ABCG1: variants seen among roughly 807,000 people sequenced by gnomAD.
The protein encoded by ABCG1 is ATP binding cassette subfamily G member 1.
In ABCG1, 29 loss-of-function variants were observed where a neutral mutation model predicts 69.2. The observed-to-expected ratio is 0.42, with a 90% CI of 0.31 to 0.57. ABCG1 has a LOEUF of 0.57. ABCG1 is among the 20% of genes least tolerant of loss of function. ABCG1 has a pLI of 0.15. For synonymous variants in ABCG1, 370 were observed against 374.8 expected, an observed-to-expected ratio of 0.99 and a Z score of 0.15; for missense variants, 718 against 898.1, an observed-to-expected ratio of 0.80 and a Z score of 2.56.
intron 13 of ABCG1, among the ~76,000 whole-genome samples, chr21:42,294,016 C>T (rs1050203191): frequency 6.6e-6 from 1 of 151,698 alleles, no homozygotes; most frequent in African/African-American, 2.4e-5. Flanking sequence ...CCCCGACACA[C>T]TCACAGTGCC....
rs79587949 is a variant in ABCG1 at position 42,219,897 on chromosome 21, C to T, written c.42+593C>T. ...GCGGCGGCGAAGGCCCGGGGAGACC[C>T]GCGAGGGGCAAGCCCGGATTCCTGC... On this transcript the variant is annotated intron_variant, in intron 1 of 14. Transcript: ENST00000398449. This position sits in a 1 kb window ranked among gnomAD's most constrained non-coding sequence, Gnocchi z 5.3. 8.8e-4 allele frequency: 1,358 copies of T among 1,546,982 alleles called. 16 individuals carry two copies. The African/African-American group carries it at 0.017, about 19-fold the overall frequency.
intron 10 of ABCG1, among the ~76,000 whole-genome samples, chr21:42,289,788 A>G (rs1248051943): frequency 6.6e-6 from 1 of 152,108 alleles, no homozygotes; most frequent in African/African-American, 2.4e-5. Context: ...GATAGTAATT[A>G]TGTTGGTTTT....
chr21:42,264,703 G>C (rs745589947), intron 2 of ABCG1, among the ~76,000 whole-genome samples: 61 of 152,088 alleles, frequency 4.0e-4, no homozygotes, highest in Non-Finnish European at 7.4e-4. Flanking sequence ...GAGAGACAGA[G>C]AGGAGAGAGA....
intron 2 of ABCG1, among the ~76,000 whole-genome samples, chr21:42,252,895 C>T (rs1195995566): frequency 1.3e-5 from 2 of 152,090 alleles, no homozygotes; most frequent in African/African-American, 2.4e-5. Context: ...GGTGTTGGGG[C>T]GAGTGAGGTT....
At chr21:42,284,387 ACTGAG>A (rs1569237322) in intron 6 of ABCG1, among the ~76,000 whole-genome samples, 168 bp from the exon 7 acceptor site, 3 of 152,096 alleles carry the variant, frequency 2.0e-5, no homozygotes, top group Non-Finnish European at 4.4e-5. Flanking sequence ...GTGCCCTGCC[ACTGAG>A]CAGCAAAACA....
intron 14 of ABCG1, 185 bp downstream of exon 14, chr21:42,294,845 C>T: frequency 3.4e-6 from 2 of 591,978 alleles, no homozygotes; most frequent in East Asian, 2.9e-5. Context: ...CCAACACACA[C>T]ACACTAAACA....
chr21:42,257,484 G>A (rs1012405021), intron 2 of ABCG1, among the ~76,000 whole-genome samples: 2 of 152,218 alleles, frequency 1.3e-5, no homozygotes, highest in Non-Finnish European at 2.9e-5. Flanking sequence ...GGGAGTGGAC[G>A]TGCTGGGGGC....
At chr21:42,272,513 T>A (rs2068633982) in intron 3 of ABCG1, among the ~76,000 whole-genome samples, 1 of 152,240 alleles carries the variant, frequency 6.6e-6, no homozygotes, top group Non-Finnish European at 1.5e-5. Flanking sequence ...TTAGTCTCCG[T>A]AGATTCGCCT....
chr21:42,263,427 G>A (rs796968776), intron 2 of ABCG1, among the ~76,000 whole-genome samples: 10 of 152,336 alleles, frequency 6.6e-5, no homozygotes, highest in South Asian at 2.1e-4. Context: ...GGAAGGGGAC[G>A]TGAGGGAGCT....
At chr21:42,227,825 G>A (rs2067840796) in intron 2 of ABCG1, among the ~76,000 whole-genome samples, 1 of 151,934 alleles carries the variant, frequency 6.6e-6, no homozygotes, top group Non-Finnish European at 1.5e-5. Flanking sequence ...CTTACATGGT[G>A]GCATGGGGTG....
chr21:42,217,805 C>A (rs2067658782), upstream of ABCG1, among the ~76,000 whole-genome samples: 1 of 150,330 alleles, frequency 6.7e-6, no homozygotes, highest in African/African-American at 2.5e-5. Context: ...CATTCTCCTG[C>A]CTCAGCCTAC....
intron 2 of ABCG1, among the ~76,000 whole-genome samples, chr21:42,252,720 G>A (rs993447001): frequency 6.6e-6 from 1 of 152,064 alleles, no homozygotes; most frequent in Non-Finnish European, 1.5e-5. Flanking sequence ...TGCAGCTTGG[G>A]GATCACCCTC....
At chr21:42,256,344 G>A (rs771359198) in intron 2 of ABCG1, 54 of 1,549,882 alleles carry the variant, frequency 3.5e-5, no homozygotes, top group African/African-American at 1.5e-4. Flanking sequence ...CTGGGGCTCC[G>A]GGACATGGTC....
chr21:42,256,153 CGT>C, intron 2 of ABCG1: 1 of 1,392,888 alleles, frequency 7.2e-7, no homozygotes, highest in Admixed American at 3.2e-5. Context: ...GAAACCTGGG[CGT>C]GATATACCTC....
At chr21:42,277,068 C>T in intron 5 of ABCG1, 123 bp downstream of exon 5, 1 of 1,046,404 alleles carries the variant, frequency 9.6e-7, no homozygotes, top group Non-Finnish European at 1.5e-6. Flanking sequence ...GCCTTGCCTT[C>T]CGTGTGTGGG....
chr21:42,237,439 C>G (rs2067993332), intron 2 of ABCG1, among the ~76,000 whole-genome samples: 1 of 152,218 alleles, frequency 6.6e-6, no homozygotes, highest in African/African-American at 2.4e-5. Flanking sequence ...TTCATTCACC[C>G]TTAACCCTGT....
intron 2 of ABCG1, among the ~76,000 whole-genome samples, chr21:42,239,250 T>A (rs1203250624): frequency 2.6e-5 from 4 of 152,196 alleles, no homozygotes; most frequent in African/African-American, 9.7e-5. Flanking sequence ...AAAGGAAATA[T>A]TAATAATAAA....
At chr21:42,283,725 C>CTCTGTCCTGCCTGGA (rs2068864963) in intron 6 of ABCG1, among the ~76,000 whole-genome samples, 1 of 91,484 alleles carries the variant, frequency 1.1e-5, no homozygotes, top group African/African-American at 5.7e-5. Context: ...CACCCACCAC[C>CTCTGTCCTGCCTGGA]CAGATGAGTG....
intron 2 of ABCG1, among the ~76,000 whole-genome samples, chr21:42,248,404 A>G (rs974524339): frequency 6.6e-6 from 1 of 152,160 alleles, no homozygotes; most frequent in East Asian, 1.9e-4. Flanking sequence ...AGCAAGGAAG[A>G]CTGTGAGGCA....
Sources: allele counts gnomAD v4.1 joint callset (sites outside exome capture counted in the v4.1 genomes callset), GRCh38; gene constraint gnomAD v4.1.1; non-coding constraint Gnocchi (gnomAD v3.1); transcripts MANE v1.5; gene names NCBI Gene and HGNC (gene_info 2026-07-23, HGNC 2026-07-21).